The following TEX30 variants were observed in gnomAD, a reference collection of about 807,000 sequenced individuals.
The protein encoded by TEX30 is testis-expressed protein 30.
A neutral mutation model predicts 23.8 loss-of-function variants in TEX30; 14 were observed. The observed-to-expected ratio is 0.59, with a 90% confidence interval of 0.39 to 0.92. The LOEUF is 0.92. Among genes scored for constraint, TEX30 ranks in the 40% least tolerant of loss-of-function variants. TEX30 has a pLI of 0.00. For missense variants in TEX30, 246 were observed against 270.6 expected (o/e 0.91, Z 0.64); for synonymous variants, 78 against 90.2 (o/e 0.87, Z 0.76).
At chr13:102,773,584 G>A (rs1368363694) in intron 1 of TEX30, 98 bp downstream of exon 1, 1 of 151,876 alleles carries the variant, frequency 6.6e-6, no homozygotes, top group African/African-American at 2.4e-5. Flanking sequence ...TGACGCCCGC[G>A]AGCCTCAAAC....
chr13:102,773,505 C>T (rs1391531133), intron 1 of TEX30, 177 bp downstream of exon 1: 1 of 152,302 alleles, frequency 6.6e-6, no homozygotes, highest in Non-Finnish European at 1.5e-5. Flanking sequence ...GAAGCCCCCA[C>T]CGGCTGGTGC....
rs767011209 is a variant in TEX30 at position 102,766,596 on chromosome 13, A to G, written c.505-16T>C. ...CCAACAAGTTCTAAAGAGAAAAAGA[A>G]GAGGATACTAGACTAATGTTCTGTT... On this transcript the variant is annotated splice_polypyrimidine_tract_variant and intron_variant, in intron 5 of 5. Transcript: ENST00000376032. The G allele has an allele frequency of 1.5e-5, 24 of 1,608,076 alleles. 1 individual carries two copies. Among genetic ancestry groups the G allele is most frequent in the Middle Eastern group, 3.3e-4 (2 of 6,034 alleles).
chr13:102,773,359 C>T (rs1877468221), intron 1 of TEX30: 1 of 152,028 alleles, frequency 6.6e-6, no homozygotes, highest in South Asian at 2.1e-4. Flanking sequence ...CGGGCTGCCC[C>T]GGTCGACCCC....
In TEX30 at chr13:102,769,389, A is replaced by C. The variant is rs759681587; in HGVS notation, c.168T>G (p.Ser56=). The C allele has an allele frequency of 1.2e-6, 2 of 1,608,066 alleles. No homozygotes were observed. ...HLMSLASHLA[S]HGFFCLRFTC... ...TAAATCTCAGGCAGAAAAACCCATG[A>C]GATGCAAGATGGGATGCCAGTGACA... The change falls in exon 3 of 6, where the codon TCT becomes TCG. Residue 56 remains serine (S), a synonymous_variant. Transcript: ENST00000376032.
rs1033752309 is a variant in TEX30 at position 102,768,331 on chromosome 13, A to G, written c.247-20T>C. On this transcript the variant is annotated intron_variant, in intron 3 of 5. Transcript: ENST00000376032. The stretch of plus-strand genomic sequence containing the variant: ...GTAATTCTAGAAAAATAAAAAAATC[A>G]TCAGTTCTTCACCTATAAAATATTC... The G allele has an allele frequency of 6.4e-7, 1 of 1,566,618 alleles. No homozygotes were observed. The highest frequency in any genetic ancestry group is 1.2e-5 in the South Asian group (1 of 85,742).
At chr13:102,772,347 A>G (rs1250076017) in intron 1 of TEX30, among the ~76,000 whole-genome samples, 2 of 152,044 alleles carry the variant, frequency 1.3e-5, no homozygotes, top group East Asian at 1.9e-4. Flanking sequence ...GGGTCTCCCT[A>G]TGTTTCGCAG....
At position 102,769,382 on chromosome 13, in the gene TEX30, A is replaced by G. The variant is rs1226306802; in HGVS notation, c.175T>C (p.Phe59Leu). 5 of 1,606,322 alleles carry G rather than the reference A, an allele frequency of 3.1e-6. No homozygotes were observed. The highest frequency in any genetic ancestry group is 4.2e-6 in the Non-Finnish European group (5 of 1,177,538). Reference sequence around the variant, plus strand: ...TTACAGGTAAATCTCAGGCAGAAAAACCCATGAGATGCAAGATGGGATGCC... The same window carrying G: ...TTACAGGTAAATCTCAGGCAGAAAAGCCCATGAGATGCAAGATGGGATGCC... ...SLASHLASHG[F>L]FCLRFTCKGL... Residue 59 changes from phenylalanine (F) to leucine (L), a missense_variant, in exon 3 of 6, where the codon TTT becomes CTT. Transcript: ENST00000376032.
At chr13:102,767,691 C>T (rs189398371) in intron 4 of TEX30, among the ~76,000 whole-genome samples, 218 of 152,138 alleles carry the variant, frequency 1.4e-3, no homozygotes, top group African/African-American at 5.0e-3. Flanking sequence ...GGTGGGCAGA[C>T]TGCCTGAGGT....
chr13:102,766,904 A>G (rs1876928703), intron 5 of TEX30, among the ~76,000 whole-genome samples: 1 of 152,208 alleles, frequency 6.6e-6, no homozygotes, highest in Non-Finnish European at 1.5e-5. Flanking sequence ...ATATTGGGCT[A>G]ATATTTAGTA....
chr13:102,767,376 A>G lies in TEX30; in HGVS notation c.401T>C (p.Leu134Pro), dbSNP rs1284958955. The G allele has an allele frequency of 1.9e-6, 3 of 1,614,090 alleles. No individual in the cohort carries two copies. Among genetic ancestry groups the G allele is most frequent in the South Asian group, 1.1e-5 (1 of 91,088 alleles). The change falls in exon 5 of 6, where the codon CTG becomes CCG. Residue 134 changes from leucine to proline, a missense_variant. Transcript: ENST00000376032. Reference protein sequence around the residue: ...VRGLICISYPLHHPKQQHKLR... With the variant: ...VRGLICISYPPHHPKQQHKLR... Reference sequence around the variant, plus strand: ...TTTATGCTGCTGCTTTGGATGGTGCAGTGGGTAAGAAATACAAATGAGACC... The same window carrying G: ...TTTATGCTGCTGCTTTGGATGGTGCGGTGGGTAAGAAATACAAATGAGACC...
intron 4 of TEX30, among the ~76,000 whole-genome samples, 196 bp from the exon 5 acceptor site, chr13:102,767,674 A>G (rs1164733819): frequency 1.3e-5 from 2 of 152,194 alleles, no homozygotes; most frequent in African/African-American, 4.8e-5. Context: ...GCACTTTGGG[A>G]GGCCTAGGTG....
chr13:102,766,452 C>T lies in TEX30; in HGVS notation c.633G>A (p.Gln211=), dbSNP rs1453215284. The T allele has an allele frequency of 6.2e-7, 1 of 1,613,696 alleles. No individual in the cohort carries two copies. Among genetic ancestry groups the T allele is most frequent in the Non-Finnish European group, 8.5e-7 (1 of 1,179,848 alleles). The change falls in exon 6 of 6, where the codon CAG becomes CAA. Residue 211 remains glutamine, a synonymous_variant. Coordinates refer to ENST00000376032, the MANE Select transcript of TEX30 (RefSeq NM_138779.5). The part of the protein sequence containing the change: ...TNDVFKEINT[Q]ILFWIQEITE... Reference sequence around the variant, plus strand: ...TAATTTCTTGGATCCAAAACAAAATCTGTGTATTTATTTCTTTGAAAACAT... The same window carrying T: ...TAATTTCTTGGATCCAAAACAAAATTTGTGTATTTATTTCTTTGAAAACAT...
In TEX30 at chr13:102,767,400, C is replaced by A. The variant is rs756197219; in HGVS notation, c.377G>T (p.Gly126Val). 1.9e-6 allele frequency: 3 copies of A among 1,613,996 alleles called. No individual in the cohort carries two copies. The highest frequency in any genetic ancestry group is 2.5e-6 in the Non-Finnish European group (3 of 1,180,024). The stretch of plus-strand genomic sequence containing the variant: ...CAGTGGGTAAGAAATACAAATGAGA[C>A]CCCGAACAAAATCATCACCATCATC... Reference protein sequence around the residue: ...EPDDGDDFVRGLICISYPLHH... With the variant: ...EPDDGDDFVRVLICISYPLHH... Residue 126 changes from glycine (G) to valine (V), a missense_variant, in exon 5 of 6, where the codon GGT becomes GTT. By Grantham distance (109) the Gly-to-Val change is moderately radical. Transcript: ENST00000376032.
chr13:102,769,883 G>T, intron 2 of TEX30, 129 bp downstream of exon 2: 1 of 793,888 alleles, frequency 1.3e-6, no homozygotes, highest in Non-Finnish European at 1.8e-6. Context: ...TAGATTCCTC[G>T]CTCTTAACCA....
chr13:102,770,192 T>G lies in TEX30; in HGVS notation c.-60-106A>C, dbSNP rs551260062. ...GCTAAAATAAACATTTAGAATTACT[T>G]CCCTAAAATCTGGTGTCTTTACATG... On this transcript the variant is annotated intron_variant, in intron 1 of 5. Coordinates refer to ENST00000376032, the MANE Select transcript of TEX30 (RefSeq NM_138779.5). 1.7e-5 allele frequency: 7 copies of G among 422,956 alleles called. No homozygotes were observed. In the Admixed American group the frequency reaches 2.2e-4, roughly 13 times the overall value. The allele number at this position is 422,956 out of a possible 1,614,324, so 26.2% of individuals were successfully genotyped here.
At chr13:102,772,758 G>A (rs989453438) in intron 1 of TEX30, among the ~76,000 whole-genome samples, 3 of 152,214 alleles carry the variant, frequency 2.0e-5, no homozygotes, top group African/African-American at 2.4e-5. Context: ...GTAGAGACGG[G>A]GTTTCACCAT....
intron 2 of TEX30, 162 bp downstream of exon 2, chr13:102,769,850 T>C (rs1310343056): frequency 1.7e-6 from 1 of 585,932 alleles, no homozygotes; most frequent in African/African-American, 1.9e-5. Flanking sequence ...CTAGCTAGGA[T>C]TTAAACTCAG....
intron 3 of TEX30, 151 bp from the exon 4 acceptor site, chr13:102,768,462 C>A: frequency 1.9e-6 from 1 of 530,934 alleles, no homozygotes; most frequent in Non-Finnish European, 3.3e-6. Flanking sequence ...AAGAAGTAAG[C>A]AGTCCTTCCT....
In TEX30 at chr13:102,767,425, C is replaced by A. The variant is rs541022306; in HGVS notation, c.352G>T (p.Asp118Tyr). 3.1e-6 allele frequency: 5 copies of A among 1,614,072 alleles called. No homozygotes were observed. The African/African-American group carries it at 6.7e-5, about 22-fold the overall frequency. Residue 118 changes from aspartate to tyrosine, a missense_variant, in exon 5 of 6, where the codon GAT becomes TAT. Physicochemically the swap from Asp to Tyr is radical, Grantham distance 160. Coordinates refer to ENST00000376032, the MANE Select transcript of TEX30 (RefSeq NM_138779.5). ...CCCCGAACAAAATCATCACCATCAT[C>A]TGGCTCAATGTGACACATTACAGAA... ...AASVMCHIEP[D>Y]DGDDFVRGLI...
Sources: allele counts gnomAD v4.1 joint callset (sites outside exome capture counted in the v4.1 genomes callset), GRCh38; gene constraint gnomAD v4.1.1; transcripts MANE v1.5; gene names NCBI Gene and HGNC (gene_info 2026-07-23, HGNC 2026-07-21).